The following RAP1GAP variants were observed in gnomAD, a reference collection of about 807,000 sequenced individuals.
RAP1GAP encodes RAP1 GTPase activating protein.
RAP1GAP carries 35 observed loss-of-function variants against 87.2 expected under a neutral mutation model. The ratio of observed to expected loss-of-function variants is 0.40; its 90% CI spans 0.31 to 0.53. RAP1GAP has a LOEUF of 0.53. RAP1GAP is among the 20% of genes least tolerant of loss of function. The pLI is 0.48. For missense variants in RAP1GAP, 734 were observed against 898.9 expected (o/e 0.82, Z 2.35); for synonymous variants, 375 against 363.9 (o/e 1.03, Z -0.35).
At position 21,622,350 on chromosome 1, in the gene RAP1GAP, C is replaced by T. The variant is rs1419546243; in HGVS notation, c.-18-2300G>A. 1 of 470,034 alleles carries T rather than the reference C, an allele frequency of 2.1e-6. No individual in the cohort carries two copies. The highest frequency in any genetic ancestry group is 2.0e-5 in the African/African-American group (1 of 48,894). 29.1% of individuals were successfully genotyped at this position (470,034 alleles called of 1,614,324 possible). A position where few individuals can be genotyped will look rare whatever the true frequency, so the allele number is the denominator to read the frequency against. On this transcript the variant is annotated intron_variant, in intron 3 of 24. Coordinates refer to ENST00000374765, the MANE Select transcript of RAP1GAP (RefSeq NM_002885.4). This position sits in a 1 kb window ranked among gnomAD's most constrained non-coding sequence, Gnocchi z 5.7. ...GCCCGGGTCCTCACCTGCCAGCTGG[C>T]CCCCGCGGGCAGCGAGCCCCTCCGC...
intron 17 of RAP1GAP, among the ~76,000 whole-genome samples, chr1:21,606,725 C>T (rs535772831): frequency 3.9e-5 from 6 of 152,132 alleles, no homozygotes; most frequent in African/African-American, 4.8e-5. Context: ...ATGGGACCAG[C>T]GCTTTACAAT....
At chr1:21,648,975 C>G (rs187043921) in intron 2 of RAP1GAP, among the ~76,000 whole-genome samples, 16 of 152,276 alleles carry the variant, frequency 1.1e-4, no homozygotes, top group African/African-American at 3.6e-4. Context: ...GGACCCCAGA[C>G]AGCCCTGAGC....
At chr1:21,599,956 A>C (rs1281420548) in intron 20 of RAP1GAP, among the ~76,000 whole-genome samples, 5 of 152,044 alleles carry the variant, frequency 3.3e-5, no homozygotes, top group Non-Finnish European at 1.5e-5. Context: ...GTGCACGTTC[A>C]CTCTGCACCG....
intron 1 of RAP1GAP, among the ~76,000 whole-genome samples, chr1:21,658,143 G>A (rs2096938494): frequency 6.6e-6 from 1 of 152,208 alleles, no homozygotes; most frequent in Non-Finnish European, 1.5e-5. Context: ...ACCCATCCTA[G>A]AACCTAACTC....
Position 21,603,667 on chromosome 1 carries a change from A to G in RAP1GAP, c.1429-754T>C, listed in dbSNP as rs1404860643. The G allele has an allele frequency of 6.3e-6, 5 of 796,380 alleles. No homozygotes were observed. The African/African-American group carries it at 6.7e-5, about 11-fold the overall frequency. 49.3% of individuals were successfully genotyped at this position (796,380 alleles called of 1,614,324 possible). On this transcript the variant is annotated intron_variant, in intron 18 of 24. Transcript: ENST00000374765. The surrounding 1 kb of genome is among the most constrained non-coding windows in gnomAD (Gnocchi z 6.0). ...GCTCTGGCACAGGTACCAGGCCCCAAAGCAGGTGCTGAGTGCCATCGGAGC... is the reference window on the plus strand; with the variant it reads ...GCTCTGGCACAGGTACCAGGCCCCAGAGCAGGTGCTGAGTGCCATCGGAGC...
chr1:21,638,579 C>G (rs1558818545), intron 2 of RAP1GAP, among the ~76,000 whole-genome samples: 1 of 152,246 alleles, frequency 6.6e-6, no homozygotes, highest in East Asian at 1.9e-4. Flanking sequence ...TGTCCGTCCT[C>G]TTTCTCTTTA....
At chr1:21,624,357 G>T (rs573199913) in intron 3 of RAP1GAP, among the ~76,000 whole-genome samples, 1 of 152,310 alleles carries the variant, frequency 6.6e-6, no homozygotes, top group African/African-American at 2.4e-5. Flanking sequence ...TTGCAAGCTG[G>T]CAAGGCAGGT....
intron 1 of RAP1GAP, chr1:21,651,842 G>A: frequency 3.5e-6 from 4 of 1,145,708 alleles, no homozygotes; most frequent in Non-Finnish European, 2.1e-6. Context: ...GCCGCCGCCC[G>A]GCCCGGCCCG....
chr1:21,617,939 G>A lies in RAP1GAP; in HGVS notation c.100C>T (p.His34Tyr), dbSNP rs769734878. The A allele has an allele frequency of 6.2e-7, 1 of 1,614,122 alleles. No homozygotes were observed. Among genetic ancestry groups the A allele is most frequent in the Admixed American group, 1.7e-5 (1 of 60,024 alleles). ...GCGGGGTTCTAGCTGAGTACCTCGTGCACGCTCGGGTATGGAATGTAGTCC... is the reference window on the plus strand; with the variant it reads ...GCGGGGTTCTAGCTGAGTACCTCGTACACGCTCGGGTATGGAATGTAGTCC... ...EEDYIPYPSV[H>Y]EVLGREGPFP... is the part of the protein sequence containing the mutation. Residue 34 changes from histidine (H) to tyrosine (Y), a missense_variant, in exon 6 of 25, where the codon CAC becomes TAC. Physicochemically the swap from His to Tyr is moderately conservative, Grantham distance 83. Transcript: ENST00000374765.
intron 1 of RAP1GAP, among the ~76,000 whole-genome samples, chr1:21,666,882 A>C (rs1394070130): frequency 1.3e-5 from 2 of 152,146 alleles, no homozygotes; most frequent in Non-Finnish European, 2.9e-5. Flanking sequence ...GCTTCTGAAA[A>C]GGCTCTTCTC....
chr1:21,668,835 G>C lies in RAP1GAP; in HGVS notation c.-149+419C>G, dbSNP rs1409855518. On this transcript the variant is annotated intron_variant, in intron 1 of 24. Coordinates refer to ENST00000374765, the MANE Select transcript of RAP1GAP (RefSeq NM_002885.4). The surrounding 1 kb of genome is among the most constrained non-coding windows in gnomAD (Gnocchi z 6.2). ...CTGAGGACAGGAGCGCCACCCTCTG[G>C]GGGGCGCTAGGGCTTGGGCCCCTCC... Among the ~76,000 whole-genome samples the C allele has an allele frequency of 6.6e-6, 1 of 151,764 alleles. No homozygotes were observed. The highest frequency in any genetic ancestry group is 2.4e-5 in the African/African-American group (1 of 41,282).
chr1:21,613,223 A>G lies in RAP1GAP; in HGVS notation c.481T>C (p.Cys161Arg). The change falls in exon 10 of 25, where the codon TGT (cysteine) becomes CGT (arginine). Residue 161 changes from cysteine to arginine, a missense_variant. By Grantham distance (180) the Cys-to-Arg change is radical. Coordinates refer to ENST00000374765, the MANE Select transcript of RAP1GAP (RefSeq NM_002885.4). This position sits in a 1 kb window ranked among gnomAD's most constrained non-coding sequence, Gnocchi z 4.7. ...PNVVQMAKLV[C>R]EDVNVDRFYP... is the part of the protein sequence containing the mutation. ...AACCGATCCACATTGACGTCTTCACACACCAACTGCAGGAGGAGATAAGGG... is the reference window on the plus strand; with the variant it reads ...AACCGATCCACATTGACGTCTTCACGCACCAACTGCAGGAGGAGATAAGGG... The G allele has an allele frequency of 6.4e-7, 1 of 1,560,170 alleles. No individual in the cohort carries two copies. Among genetic ancestry groups the G allele is most frequent in the Non-Finnish European group, 8.8e-7 (1 of 1,131,016 alleles).
chr1:21,651,525 C>T (rs1367978787), intron 1 of RAP1GAP: 5 of 669,624 alleles, frequency 7.5e-6, no homozygotes, highest in Non-Finnish European at 1.1e-5. Flanking sequence ...GCAATGTCCA[C>T]CCTGCACTCA....
chr1:21,652,750 A>C (rs1416093297), intron 1 of RAP1GAP, among the ~76,000 whole-genome samples: 1 of 152,110 alleles, frequency 6.6e-6, no homozygotes, highest in Non-Finnish European at 1.5e-5. Context: ...TCTTCCTCAG[A>C]GTAAGCTGTT....
At position 21,613,643 on chromosome 1, in the gene RAP1GAP, A is replaced by G. The variant is rs540931629; in HGVS notation, c.459T>C (p.Val153=). ...GAGACCTCACCTTTGCCATCTGGACAACATTAGGGAACTCGGTGAGGCAGG... is the reference window on the plus strand; with the variant it reads ...GAGACCTCACCTTTGCCATCTGGACGACATTAGGGAACTCGGTGAGGCAGG... ...PISCLTEFPN[V]VQMAKLVCED... Residue 153 remains valine (V), a synonymous_variant, in exon 9 of 25, where the codon GTT becomes GTC. Transcript: ENST00000374765. This position sits in a 1 kb window ranked among gnomAD's most constrained non-coding sequence, Gnocchi z 4.7. 76 of 1,613,280 alleles carry G rather than the reference A, an allele frequency of 4.7e-5. No individual in the cohort carries two copies. The highest frequency in any genetic ancestry group is 6.1e-5 in the Non-Finnish European group (72 of 1,179,440).
chr1:21,603,793 G>A lies in RAP1GAP; in HGVS notation c.1429-880C>T, dbSNP rs778621488. ...CCTGAGAGCGAGCAGAGAACAGCGC[G>A]TGCAGGCAGCCTCCAGAGCCGGCGG... is the stretch of plus-strand genomic sequence containing the variant. On this transcript the variant is annotated intron_variant, in intron 18 of 24. Coordinates refer to ENST00000374765, the MANE Select transcript of RAP1GAP (RefSeq NM_002885.4). This position sits in a 1 kb window ranked among gnomAD's most constrained non-coding sequence, Gnocchi z 6.0. The A allele has an allele frequency of 5.7e-6, 9 of 1,567,778 alleles. No homozygotes were observed. Among genetic ancestry groups the A allele is most frequent in the Non-Finnish European group, 6.1e-6 (7 of 1,138,896 alleles).
chr1:21,613,945 C>G lies in RAP1GAP; in HGVS notation c.395+41G>C. ...GATGGGCTCTGAGATTGTAAGACCT[C>G]AGCCCTTCCTGCCATCTCAGGACTC... On this transcript the variant is annotated intron_variant, in intron 8 of 24. Coordinates refer to ENST00000374765, the MANE Select transcript of RAP1GAP (RefSeq NM_002885.4). This position sits in a 1 kb window ranked among gnomAD's most constrained non-coding sequence, Gnocchi z 4.7. The G allele has an allele frequency of 6.8e-7, 1 of 1,462,266 alleles. No homozygotes were observed. Among genetic ancestry groups the G allele is most frequent in the South Asian group, 1.2e-5 (1 of 83,980 alleles). The allele number at this position is 1,462,266 out of a possible 1,614,324, so 90.6% of individuals were successfully genotyped here. A position where few individuals can be genotyped will look rare whatever the true frequency, so the allele number is the denominator to read the frequency against.
At position 21,598,039 on chromosome 1, in the gene RAP1GAP, G is replaced by T. The variant is rs201146044; in HGVS notation, c.1905C>A (p.Asp635Glu). The change falls in exon 23 of 25, where the codon GAC (aspartate) becomes GAA (glutamate). Residue 635 changes from aspartate to glutamate, a missense_variant. This residue lies in a region of RAP1GAP where 249 missense variants were observed against 252.7 expected (regional missense o/e 0.99). Transcript: ENST00000374765. ...ACGCAGGGTCCCCCAACTTGCCGGC[G>T]TCTGGGTGGGGTGATCGAGAGGGGC... ...SPGPSRSPHP[D>E]AGKLGDPACP... is the part of the protein sequence containing the mutation. The T allele has an allele frequency of 6.3e-7, 1 of 1,580,558 alleles. No homozygotes were observed. The highest frequency in any genetic ancestry group is 2.3e-5 in the East Asian group (1 of 43,664).
Position 21,613,561 on chromosome 1 carries a change from A to C in RAP1GAP, c.474+67T>G. 2.8e-6 allele frequency: 4 copies of C among 1,445,442 alleles called. No individual in the cohort carries two copies. The highest frequency in any genetic ancestry group is 3.9e-6 in the Non-Finnish European group (4 of 1,027,676). The allele number at this position is 1,445,442 out of a possible 1,614,324, so 89.5% of individuals were successfully genotyped here. A position where few individuals can be genotyped will look rare whatever the true frequency, so the allele number is the denominator to read the frequency against. Reference sequence around the variant, plus strand: ...CAGCTGAAGGGGACGCGCCAAGGCAAGCTGAAGCCCCACAGGTGCCCATCT... The same window carrying C: ...CAGCTGAAGGGGACGCGCCAAGGCACGCTGAAGCCCCACAGGTGCCCATCT... On this transcript the variant is annotated intron_variant, in intron 9 of 24. Transcript: ENST00000374765. The surrounding 1 kb of genome is among the most constrained non-coding windows in gnomAD (Gnocchi z 4.7).
Sources: gnomAD v4.1 joint callset for allele counts (sites outside exome capture counted in the v4.1 genomes callset) on GRCh38, gnomAD v4.1.1 for gene constraint, gnomAD v4.1.1 regional missense constraint, Gnocchi (gnomAD v3.1) non-coding constraint, MANE v1.5 for transcripts, NCBI Gene and HGNC (gene_info 2026-07-23, HGNC 2026-07-21) for gene names.